Variants in MPND observed in about 807,000 individuals in gnomAD.
The protein encoded by MPND is MPN domain-containing protein.
A neutral mutation model predicts 59.2 loss-of-function variants in MPND; 56 were observed. The ratio of observed to expected loss-of-function variants is 0.95; its 90% CI spans 0.76 to 1.18. MPND has a LOEUF of 1.18. Among genes scored for constraint, MPND ranks in the 50% most tolerant of loss-of-function variants. The pLI is 0.00. For synonymous variants in MPND, 323 were observed against 291.9 expected, an observed-to-expected ratio of 1.11 and a Z score of -1.09; for missense variants, 671 against 676.0, an observed-to-expected ratio of 0.99 and a Z score of 0.08.
chr19:4,354,188 T>G, intron 5 of MPND, 59 bp downstream of exon 5: 1 of 1,561,796 alleles, frequency 6.4e-7, no homozygotes. Context: ...TTGCTGGTCT[T>G]GGGGTAGCAA....
At chr19:4,350,388 A>G (rs1350592672) in intron 3 of MPND, among the ~76,000 whole-genome samples, 1 of 151,836 alleles carries the variant, frequency 6.6e-6, no homozygotes, top group Non-Finnish European at 1.5e-5. Context: ...AGGCAGAGGA[A>G]GGACAGGATC....
At chr19:4,354,177 C>A in intron 5 of MPND, 48 bp downstream of exon 5, 1 of 1,579,658 alleles carries the variant, frequency 6.3e-7, no homozygotes, top group Non-Finnish European at 8.7e-7. Flanking sequence ...ACCTGGATCT[C>A]TTGCTGGTCT....
At chr19:4,347,183 G>C (rs1972203979) in intron 3 of MPND, 2 of 151,250 alleles carry the variant, frequency 1.3e-5, no homozygotes, top group African/African-American at 4.9e-5. Context: ...GCCTTCAACT[G>C]ATTGGATGAG....
chr19:4,357,866 T>G lies in MPND; in HGVS notation c.1237-217T>G, dbSNP rs1388290232. ...CTGCCCTGAAGTCAGAGGTCAGCCC[T>G]GGGAAGTCATTTCAGGGCCCTGGCT... On this transcript the variant is annotated intron_variant, in intron 10 of 12. Transcript: ENST00000599840. 49 of 607,936 alleles carry G rather than the reference T, an allele frequency of 8.1e-5. No homozygotes were observed. In the East Asian group the frequency reaches 1.1e-3, roughly 13 times the overall value. The allele number at this position is 607,936 out of a possible 1,614,324, so 37.7% of individuals were successfully genotyped here.
chr19:4,352,662 C>T (rs576517400), intron 3 of MPND, among the ~76,000 whole-genome samples: 3 of 152,060 alleles, frequency 2.0e-5, no homozygotes, highest in Admixed American at 6.5e-5. Context: ...CCAGACTGGG[C>T]GACAGAGAGA....
In MPND at chr19:4,354,092, G is replaced by C; in HGVS notation, c.712G>C (p.Val238Leu). The C allele has an allele frequency of 6.2e-7, 1 of 1,613,358 alleles. No individual in the cohort carries two copies. The highest frequency in any genetic ancestry group is 8.5e-7 in the Non-Finnish European group (1 of 1,179,400). Reference protein sequence around the residue: ...KRVDSKIRVPVRYCMLGSRDL... With the variant: ...KRVDSKIRVPLRYCMLGSRDL... The stretch of plus-strand genomic sequence containing the variant: ...GGTGGACAGCAAGATCCGGGTTCCG[G>C]TCCGCTACTGCATGCTGGGCAGCCG... The change falls in exon 5 of 13, where the codon GTC (valine) becomes CTC (leucine). Residue 238 changes from valine to leucine, a missense_variant. By Grantham distance (32) the Val-to-Leu change is conservative (BLOSUM62 1). Transcript: ENST00000599840.
intron 11 of MPND, 121 bp downstream of exon 11, chr19:4,358,293 G>C: frequency 1.2e-6 from 1 of 834,446 alleles, no homozygotes; most frequent in Non-Finnish European, 1.9e-6. Flanking sequence ...TTGGGGGCCT[G>C]GGTTAGGGCT....
At chr19:4,356,417 C>T (rs182308842) in intron 8 of MPND, among the ~76,000 whole-genome samples, 1 of 152,250 alleles carries the variant, frequency 6.6e-6, no homozygotes, top group East Asian at 1.9e-4. Flanking sequence ...TGGTGGTACG[C>T]ACCTGTAGTC....
chr19:4,343,940 C>T lies in MPND; in HGVS notation c.240C>T (p.Leu80=), dbSNP rs769650154. Residue 80 remains leucine, a synonymous_variant, in exon 2 of 13, where the codon CTC becomes CTT. Transcript: ENST00000599840. The part of the protein sequence containing the change: ...LTRRAVTLRV[L]LKDALLEPGA... ...GGCGCGCGGTCACACTGCGGGTGCT[C>T]CTCAAAGACGCGCTGCTGGAGCCTG... 5.1e-6 allele frequency: 7 copies of T among 1,380,394 alleles called. No homozygotes were observed. The highest frequency in any genetic ancestry group is 5.6e-6 in the Non-Finnish European group (6 of 1,064,932). 85.5% of individuals were successfully genotyped at this position (1,380,394 alleles called of 1,614,324 possible). A position where few individuals can be genotyped will look rare whatever the true frequency, so the allele number is the denominator to read the frequency against.
At chr19:4,346,052 G>C in intron 3 of MPND, 71 bp downstream of exon 3, 2 of 1,305,964 alleles carry the variant, frequency 1.5e-6, no homozygotes, top group Non-Finnish European at 1.1e-6. Flanking sequence ...GCCTGGCACA[G>C]CTCTCTCCGG....
At chr19:4,352,198 T>G (rs1972334587) in intron 3 of MPND, among the ~76,000 whole-genome samples, 3 of 151,518 alleles carry the variant, frequency 2.0e-5, no homozygotes, top group Admixed American at 1.3e-4. Flanking sequence ...GATAAAAGAA[T>G]AGATAGAGTT....
Position 4,357,272 on chromosome 19 carries a change from T to A in MPND, c.1016T>A (p.Leu339Gln). 1 of 1,608,704 alleles carries A rather than the reference T, an allele frequency of 6.2e-7. No individual in the cohort carries two copies. Among genetic ancestry groups the A allele is most frequent in the Non-Finnish European group, 8.5e-7 (1 of 1,177,340 alleles). The change falls in exon 9 of 13, where the codon CTG becomes CAG. Residue 339 changes from leucine (L) to glutamine (Q), a missense_variant. By Grantham distance (113) the Leu-to-Gln change is moderately radical. Transcript: ENST00000599840. ...IEEEIYQSLF[L>Q]RGLSLVGWYH... ...CCCCAGATCTACCAGAGCCTGTTCC[T>A]GCGGGGCCTGTCCCTGGTGGGCTGG...
At position 4,357,173 on chromosome 19, in the gene MPND, C is replaced by T. The variant is rs954083028; in HGVS notation, c.997-80C>T. 9.7e-6 allele frequency: 14 copies of T among 1,444,740 alleles called. No individual in the cohort carries two copies. In the African/African-American group the frequency reaches 1.0e-4, roughly 10 times the overall value. 89.5% of individuals were successfully genotyped at this position (1,444,740 alleles called of 1,614,324 possible). A position where few individuals can be genotyped will look rare whatever the true frequency, so the allele number is the denominator to read the frequency against. ...CCAGGCCTGATACACAGCAGGAATT[C>T]GTTCAGGGCTGGCCAGCCACATAAG... On this transcript the variant is annotated intron_variant, in intron 8 of 12. Transcript: ENST00000599840.
At chr19:4,348,809 A>C (rs1972247491) in intron 3 of MPND, 1 of 151,088 alleles carries the variant, frequency 6.6e-6, no homozygotes, top group African/African-American at 2.4e-5. Context: ...GGCGCCCACC[A>C]CCAGGCCTGG....
rs1357787009 is a variant in MPND at position 4,354,091 on chromosome 19, G to C, written c.711G>C (p.Pro237=). The change falls in exon 5 of 13, where the codon CCG becomes CCC. Residue 237 remains proline, a synonymous_variant. Transcript: ENST00000599840. ...GGGTGGACAGCAAGATCCGGGTTCCGGTCCGCTACTGCATGCTGGGCAGCC... is the reference window on the plus strand; with the variant it reads ...GGGTGGACAGCAAGATCCGGGTTCCCGTCCGCTACTGCATGCTGGGCAGCC... ...GKRVDSKIRV[P]VRYCMLGSRD... 2 of 1,613,200 alleles carry C rather than the reference G, an allele frequency of 1.2e-6. No individual in the cohort carries two copies. The highest frequency in any genetic ancestry group is 1.7e-6 in the Non-Finnish European group (2 of 1,179,388).
chr19:4,355,205 G>GA (rs1299170534), intron 8 of MPND, 32 bp downstream of exon 8: 1 of 1,607,560 alleles, frequency 6.2e-7, no homozygotes, highest in Non-Finnish European at 8.5e-7. Context: ...GGCATTCTGG[G>GA]GAGGGTTGGG....
Position 4,354,134 on chromosome 19 carries a change from G to C in MPND, c.749+5G>C. The C allele has an allele frequency of 1.2e-6, 2 of 1,608,718 alleles. No homozygotes were observed. Among genetic ancestry groups the C allele is most frequent in the Non-Finnish European group, 1.7e-6 (2 of 1,175,596 alleles). On this transcript the variant is annotated splice_donor_5th_base_variant and intron_variant, in intron 5 of 12. Coordinates refer to ENST00000599840, the MANE Select transcript of MPND (RefSeq NM_001300862.2). ...GGGCAGCCGCGACTTGGCCAGGTCAGACTCACCCCAAGTTCTGCCCCTGCC... is the reference window on the plus strand; with the variant it reads ...GGGCAGCCGCGACTTGGCCAGGTCACACTCACCCCAAGTTCTGCCCCTGCC...
In MPND at chr19:4,357,692, C is replaced by T. The variant is rs1599578942; in HGVS notation, c.1236+107C>T. ...CCAGGCTCCACTGGAGAGTTGGGGC[C>T]CCAGTTTCTCCATCTATGAAATGGG... On this transcript the variant is annotated intron_variant, in intron 10 of 12. Coordinates refer to ENST00000599840, the MANE Select transcript of MPND (RefSeq NM_001300862.2). 5 of 1,089,410 alleles carry T rather than the reference C, an allele frequency of 4.6e-6. No homozygotes were observed. In the East Asian group the frequency reaches 1.0e-4, roughly 22 times the overall value. 67.5% of individuals were successfully genotyped at this position (1,089,410 alleles called of 1,614,324 possible).
chr19:4,351,880 A>C (rs1329415435), intron 3 of MPND, among the ~76,000 whole-genome samples: 2 of 149,482 alleles, frequency 1.3e-5, no homozygotes, highest in Non-Finnish European at 3.0e-5. Flanking sequence ...AAAAAAAAAA[A>C]GAATAGAGTT....
Sources: gnomAD v4.1 joint callset for allele counts (sites outside exome capture counted in the v4.1 genomes callset) on GRCh38, gnomAD v4.1.1 for gene constraint, MANE v1.5 for transcripts, NCBI Gene and HGNC (gene_info 2026-07-23, HGNC 2026-07-21) for gene names.